AGBL4: variants seen among roughly 807,000 people sequenced by gnomAD.
AGBL4 encodes AGBL carboxypeptidase 4, also known as cytosolic carboxypeptidase 6.
AGBL4 carries 58 observed loss-of-function variants against 66.4 expected under a neutral mutation model. The ratio of observed to expected loss-of-function variants is 0.87; its 90% CI spans 0.71 to 1.09. The LOEUF (loss-of-function observed/expected upper bound fraction) is 1.09, where lower values mean the gene tolerates loss of function less well. Ranked by LOEUF, AGBL4 falls within the 50% of genes least tolerant of loss-of-function variation. AGBL4 has a pLI of 0.00. For missense variants in AGBL4, 579 were observed against 631.0 expected (o/e 0.92, Z 0.88); for synonymous variants, 234 against 222.9 (o/e 1.05, Z -0.44).
chr1:49,545,503 T>C (rs1431630391), intron 3 of AGBL4, among the ~76,000 whole-genome samples: 1 of 152,204 alleles, frequency 6.6e-6, no homozygotes, highest in Non-Finnish European at 1.5e-5. Flanking sequence ...ACAGAAACTA[T>C]ATGTTGTTTA....
At chr1:49,749,861 C>T (rs780989109) in intron 2 of AGBL4, among the ~76,000 whole-genome samples, 2 of 151,988 alleles carry the variant, frequency 1.3e-5, no homozygotes, top group Non-Finnish European at 2.9e-5. Flanking sequence ...CATTCTACAT[C>T]GTATATGAAA....
intron 3 of AGBL4, among the ~76,000 whole-genome samples, chr1:49,523,401 G>A (rs539107325): frequency 2.4e-4 from 36 of 152,136 alleles, no homozygotes; most frequent in Admixed American, 4.6e-4. Context: ...ATTACACAGC[G>A]CAGAGTCATA....
At chr1:48,790,627 A>T (rs1645527538) in intron 6 of AGBL4, among the ~76,000 whole-genome samples, 1 of 152,196 alleles carries the variant, frequency 6.6e-6, no homozygotes, top group African/African-American at 2.4e-5. Context: ...TATGGTTTGA[A>T]TGTGCCCCTC....
chr1:49,062,607 T>C (rs1448704446), intron 4 of AGBL4, among the ~76,000 whole-genome samples: 1 of 152,200 alleles, frequency 6.6e-6, no homozygotes, highest in Non-Finnish European at 1.5e-5. Context: ...GGATACAGCA[T>C]AACACGTAAG....
intron 11 of AGBL4, among the ~76,000 whole-genome samples, chr1:48,542,429 A>C (rs1644089199): frequency 6.6e-6 from 1 of 152,186 alleles, no homozygotes; most frequent in African/African-American, 2.4e-5. Context: ...TGTCTTCCAC[A>C]ATGGTTGAAA....
intron 4 of AGBL4, among the ~76,000 whole-genome samples, chr1:49,153,251 GC>G (rs968591479): frequency 6.6e-6 from 1 of 152,108 alleles, no homozygotes; most frequent in Non-Finnish European, 1.5e-5. Context: ...GGAGTTTCAG[GC>G]CTGCCATTCT....
At chr1:49,151,863 T>C (rs1646342513) in intron 4 of AGBL4, among the ~76,000 whole-genome samples, 1 of 152,148 alleles carries the variant, frequency 6.6e-6, no homozygotes, top group Non-Finnish European at 1.5e-5. Flanking sequence ...GTAATACCTA[T>C]TAACATCTAT....
intron 4 of AGBL4, among the ~76,000 whole-genome samples, chr1:49,109,079 A>T (rs1012313323): frequency 6.6e-6 from 1 of 152,120 alleles, no homozygotes; most frequent in Non-Finnish European, 1.5e-5. Context: ...TTTTCAAAAA[A>T]CTTTACCTAA....
At chr1:49,788,463 C>T (rs1159390412) in intron 2 of AGBL4, among the ~76,000 whole-genome samples, 1 of 149,610 alleles carries the variant, frequency 6.7e-6, no homozygotes. Flanking sequence ...ACCGAGATGG[C>T]CCAGATTTGG....
At chr1:49,497,733 T>C (rs1337491056) in intron 3 of AGBL4, among the ~76,000 whole-genome samples, 2 of 152,044 alleles carry the variant, frequency 1.3e-5, no homozygotes, top group African/African-American at 4.8e-5. Context: ...CTCTATTTTC[T>C]TGGTCAATGT....
chr1:49,492,345 C>G (rs1166874035), intron 3 of AGBL4, among the ~76,000 whole-genome samples: 1 of 151,868 alleles, frequency 6.6e-6, no homozygotes, highest in African/African-American at 2.4e-5. Context: ...CTGGGCAGGA[C>G]AGATGAGGGG....
At chr1:48,735,750 A>G (rs1251034960) in intron 6 of AGBL4, among the ~76,000 whole-genome samples, 1 of 152,074 alleles carries the variant, frequency 6.6e-6, no homozygotes, top group Non-Finnish European at 1.5e-5. Context: ...AGAACCACCA[A>G]GAACTGCGTC....
chr1:49,612,228 A>G (rs1645168428), intron 3 of AGBL4, among the ~76,000 whole-genome samples: 1 of 152,236 alleles, frequency 6.6e-6, no homozygotes. Flanking sequence ...GCAGAGTAAT[A>G]GTGAGGCAAA....
At chr1:49,878,015 T>C (rs1647075653) in intron 1 of AGBL4, among the ~76,000 whole-genome samples, 1 of 152,060 alleles carries the variant, frequency 6.6e-6, no homozygotes, top group South Asian at 2.1e-4. Context: ...ATCCCCTTTA[T>C]CATTTTTTAT....
chr1:49,871,783 G>A (rs911026950), intron 1 of AGBL4, among the ~76,000 whole-genome samples: 5 of 152,118 alleles, frequency 3.3e-5, no homozygotes, highest in Non-Finnish European at 7.4e-5. Flanking sequence ...TGGTTATGAT[G>A]TAAAATTGTT....
chr1:49,256,326 T>C (rs1250815251), intron 3 of AGBL4, among the ~76,000 whole-genome samples: 2 of 152,176 alleles, frequency 1.3e-5, no homozygotes, highest in South Asian at 4.1e-4. Flanking sequence ...AAAAATTATA[T>C]AAAATTCAAA....
chr1:49,758,638 G>T (rs775794493), intron 2 of AGBL4, among the ~76,000 whole-genome samples: 2 of 151,818 alleles, frequency 1.3e-5, no homozygotes, highest in Non-Finnish European at 2.9e-5. Flanking sequence ...CCCTTGTTTT[G>T]GCTAATTTCT....
chr1:49,453,572 T>C (rs1392420697), intron 3 of AGBL4, among the ~76,000 whole-genome samples: 1 of 151,810 alleles, frequency 6.6e-6, no homozygotes, highest in African/African-American at 2.4e-5. Flanking sequence ...GGCAATAAAG[T>C]TAATGATATG....
At chr1:48,664,877 A>T (rs1646161143) in intron 6 of AGBL4, among the ~76,000 whole-genome samples, 1 of 152,226 alleles carries the variant, frequency 6.6e-6, no homozygotes, top group Non-Finnish European at 1.5e-5. Context: ...AAATTTAGAA[A>T]GAACATTGAG....
Sources: gnomAD v4.1 joint callset for allele counts (sites outside exome capture counted in the v4.1 genomes callset) on GRCh38, gnomAD v4.1.1 for gene constraint, MANE v1.5 for transcripts, NCBI Gene and HGNC (gene_info 2026-07-23, HGNC 2026-07-21) for gene names.